The following TMEM132B variants were observed in gnomAD, a reference collection of about 807,000 sequenced individuals.
TMEM132B encodes transmembrane protein 132B.
TMEM132B carries 18 observed loss-of-function variants against 90.8 expected under a neutral mutation model. That is an observed-to-expected ratio of 0.20 (90% CI 0.14 to 0.29). The LOEUF (loss-of-function observed/expected upper bound fraction) is 0.29. TMEM132B is among the 10% of genes least tolerant of loss of function. TMEM132B has a pLI of 1.00. For missense variants in TMEM132B, 1,096 were observed against 1,326.8 expected (o/e 0.83, Z 2.70); for synonymous variants, 504 against 523.3 (o/e 0.96, Z 0.50).
At chr12:125,616,173 G>C (rs909008698) in intron 5 of TMEM132B, among the ~76,000 whole-genome samples, 2 of 143,908 alleles carry the variant, frequency 1.4e-5, no homozygotes, top group African/African-American at 5.2e-5. Context: ...CCACCTATGA[G>C]TGAGAACATG....
chr12:125,455,312 C>T (rs1226246910), intron 3 of TMEM132B, among the ~76,000 whole-genome samples: 4 of 152,054 alleles, frequency 2.6e-5, no homozygotes, highest in Non-Finnish European at 5.9e-5. Flanking sequence ...GGGCTTAGTT[C>T]GAGGCAAGAA....
chr12:125,369,814 C>T (rs539436069), intron 2 of TMEM132B, among the ~76,000 whole-genome samples: 2 of 152,256 alleles, frequency 1.3e-5, no homozygotes, highest in South Asian at 2.1e-4. Flanking sequence ...CTTTGGAAGG[C>T]GGAGGTGGCG....
chr12:125,320,841 C>A (rs937744909), intron 1 of TMEM132B, among the ~76,000 whole-genome samples: 5 of 152,092 alleles, frequency 3.3e-5, no homozygotes, highest in Non-Finnish European at 5.9e-5. Flanking sequence ...TGTTATGCAC[C>A]CATTATCTCT....
intron 1 of TMEM132B, among the ~76,000 whole-genome samples, chr12:125,325,186 A>G (rs1456685159): frequency 6.6e-6 from 1 of 152,232 alleles, no homozygotes; most frequent in East Asian, 1.9e-4. Flanking sequence ...TCACAGGCCC[A>G]GAACATATGG....
At chr12:125,221,992 A>G (rs1873570542) in intron 1 of TMEM132B, among the ~76,000 whole-genome samples, 1 of 152,194 alleles carries the variant, frequency 6.6e-6, no homozygotes, top group South Asian at 2.1e-4. Flanking sequence ...GTTCAGAAAT[A>G]GAGGGCTGCT....
intron 3 of TMEM132B, among the ~76,000 whole-genome samples, chr12:125,469,071 C>A (rs780135391): frequency 8.5e-5 from 13 of 152,100 alleles, no homozygotes; most frequent in Non-Finnish European, 1.3e-4. Context: ...CCTTTTATTT[C>A]TTTTTCTTGC....
intron 1 of TMEM132B, among the ~76,000 whole-genome samples, chr12:125,312,884 A>C (rs899757506): frequency 6.6e-6 from 1 of 152,144 alleles, no homozygotes; most frequent in Non-Finnish European, 1.5e-5. Flanking sequence ...GGCCATCCCT[A>C]ATGAATATAC....
At chr12:125,476,459 G>A (rs73414315) in intron 3 of TMEM132B, among the ~76,000 whole-genome samples, 2,326 of 152,252 alleles carry the variant, frequency 0.015, 51 homozygotes, top group African/African-American at 0.053. Context: ...CTGTAGCAGG[G>A]ATCAGAACTT....
chr12:125,584,392 T>C (rs1054345000), intron 5 of TMEM132B: 1 of 182,892 alleles, frequency 5.5e-6, no homozygotes, highest in African/African-American at 2.4e-5. Flanking sequence ...CAATATATTT[T>C]CTTTAAATGC....
intron 2 of TMEM132B, among the ~76,000 whole-genome samples, chr12:125,387,613 C>T (rs1878878973): frequency 6.6e-6 from 1 of 152,192 alleles, no homozygotes; most frequent in African/African-American, 2.4e-5. Flanking sequence ...TTGAGATGTG[C>T]AACCCCAGTT....
chr12:125,422,408 C>A (rs1315680183), intron 3 of TMEM132B, among the ~76,000 whole-genome samples: 3 of 152,198 alleles, frequency 2.0e-5, no homozygotes, highest in African/African-American at 7.2e-5. Context: ...TCTTGCCCAG[C>A]CAGCTTTCAG....
chr12:125,461,446 C>T (rs1380984353), intron 3 of TMEM132B, among the ~76,000 whole-genome samples: 6 of 151,976 alleles, frequency 3.9e-5, no homozygotes, highest in East Asian at 1.9e-4. Flanking sequence ...GTACTGGCCC[C>T]GGGAGCCCCT....
At chr12:125,569,164 G>A (rs781164587) in intron 4 of TMEM132B, among the ~76,000 whole-genome samples, 4 of 151,962 alleles carry the variant, frequency 2.6e-5, no homozygotes, top group Non-Finnish European at 5.9e-5. Flanking sequence ...TGGCTTTTGT[G>A]GGCATTTGTG....
At chr12:125,231,963 A>G (rs1873836222) in intron 1 of TMEM132B, among the ~76,000 whole-genome samples, 1 of 152,128 alleles carries the variant, frequency 6.6e-6, no homozygotes. Flanking sequence ...TGCACAAACC[A>G]GTCCATGTAT....
At chr12:125,465,461 C>T (rs769732345) in intron 3 of TMEM132B, among the ~76,000 whole-genome samples, 1 of 152,178 alleles carries the variant, frequency 6.6e-6, no homozygotes. Context: ...GTGTGTCTAC[C>T]TGGTATCTAG....
intron 1 of TMEM132B, among the ~76,000 whole-genome samples, chr12:125,249,938 G>A (rs963586848): frequency 1.1e-4 from 17 of 152,212 alleles, no homozygotes; most frequent in Admixed American, 8.5e-4. Flanking sequence ...TTACCAGTCT[G>A]GGGGACAGGC....
intron 1 of TMEM132B, among the ~76,000 whole-genome samples, chr12:125,193,108 C>T (rs1475886757): frequency 6.6e-6 from 1 of 152,176 alleles, no homozygotes; most frequent in African/African-American, 2.4e-5. Context: ...TGACTGGGGA[C>T]ACATGCAACC....
chr12:125,623,060 C>T (rs904138976), intron 5 of TMEM132B, among the ~76,000 whole-genome samples: 1 of 152,120 alleles, frequency 6.6e-6, no homozygotes, highest in East Asian at 1.9e-4. Flanking sequence ...TAATTAACAG[C>T]GCTTTTCTCC....
At chr12:125,343,127 T>C (rs1038017142) in intron 1 of TMEM132B, among the ~76,000 whole-genome samples, 3 of 152,168 alleles carry the variant, frequency 2.0e-5, no homozygotes, top group African/African-American at 7.2e-5. Context: ...CTGTTATTAA[T>C]GAATGACCAC....
Sources: allele counts gnomAD v4.1 joint callset (sites outside exome capture counted in the v4.1 genomes callset), GRCh38; gene constraint gnomAD v4.1.1; transcripts MANE v1.5; gene names NCBI Gene and HGNC (gene_info 2026-07-23, HGNC 2026-07-21).